ZNF28: variants seen among roughly 807,000 people sequenced by gnomAD.
The protein encoded by ZNF28 is zinc finger protein 28.
ZNF28 carries 5 observed loss-of-function variants against 7.2 expected under a neutral mutation model. That is an observed-to-expected ratio of 0.70 (90% CI 0.36 to 1.46). The LOEUF (loss-of-function observed/expected upper bound fraction) is 1.46. Among genes scored for constraint, ZNF28 ranks in the 40% most tolerant of loss-of-function variants. The probability of loss-of-function intolerance (pLI) is 0.03; values close to 1 mark genes in which losing one functional copy is unlikely to be tolerated. For synonymous variants in ZNF28, 288 were observed against 292.4 expected (o/e 0.99, Z 0.15); for missense variants, 879 against 866.6 (o/e 1.01, Z -0.18).
At chr19:52,819,237 T>C (rs4803002) in intron 1 of ZNF28, among the ~76,000 whole-genome samples, 62,185 of 123,940 alleles carry the variant, frequency 0.5, 19,211 homozygotes, top group Non-Finnish European at 0.66. Flanking sequence ...AGTGAAGAGT[T>C]GGGCTTTTGT....
chr19:52,798,810 T>C lies in ZNF28; in HGVS notation c.*878A>G, dbSNP rs1044525555. On this transcript the variant is annotated 3_prime_UTR_variant, in exon 4 of 4. Transcript: ENST00000457749. ...TGGATTCTCCAATGATTTGCAATGG[T>C]TGTAGCATTACTGAAAACTTTGTGA... The C allele has an allele frequency of 2.4e-6, 2 of 833,092 alleles. No homozygotes were observed. The highest frequency in any genetic ancestry group is 1.7e-5 in the African/African-American group (1 of 58,256). 51.6% of individuals were successfully genotyped at this position (833,092 alleles called of 1,614,324 possible).
chr19:52,820,322 T>A (rs1489245574), intron 1 of ZNF28, among the ~76,000 whole-genome samples: 1 of 135,694 alleles, frequency 7.4e-6, no homozygotes, highest in Non-Finnish European at 1.5e-5. Context: ...TTTCACCTTG[T>A]TAGCCAGGAT....
In ZNF28 at chr19:52,799,483, T is replaced by TGC; in HGVS notation, c.*204_*205insGC. On this transcript the variant is annotated 3_prime_UTR_variant, in exon 4 of 4. Coordinates refer to ENST00000457749, the MANE Select transcript of ZNF28 (RefSeq NM_006969.5). ...ATTCTATGATGACGTGCAAGGGTTG[T>TGC]TTTTTGATTAAAAACCTTGCCACAT... 1.0e-6 allele frequency: 1 copy of TGC among 963,886 alleles called. No homozygotes were observed. The highest frequency in any genetic ancestry group is 1.6e-6 in the Non-Finnish European group (1 of 615,468). 59.7% of individuals were successfully genotyped at this position (963,886 alleles called of 1,614,324 possible).
chr19:52,817,136 G>A (rs982233230), intron 2 of ZNF28, among the ~76,000 whole-genome samples: 1 of 152,160 alleles, frequency 6.6e-6, no homozygotes, highest in Non-Finnish European at 1.5e-5. Flanking sequence ...ACTTTAGGAA[G>A]CCAAAGTAGG....
chr19:52,817,265 G>A (rs56008301), intron 2 of ZNF28, among the ~76,000 whole-genome samples: 1 of 151,726 alleles, frequency 6.6e-6, no homozygotes, highest in African/African-American at 2.4e-5. Flanking sequence ...CCAGCTACTC[G>A]GGAGGCTGAG....
intron 2 of ZNF28, chr19:52,809,837 C>T (rs914895203): frequency 3.4e-5 from 19 of 553,848 alleles, no homozygotes; most frequent in South Asian, 9.1e-5. Context: ...GCGGCGGCGG[C>T]GGTGGCGGTG....
chr19:52,820,407 G>C (rs2063181114), intron 1 of ZNF28, among the ~76,000 whole-genome samples: 1 of 78,368 alleles, frequency 1.3e-5, no homozygotes, highest in African/African-American at 5.9e-5. Flanking sequence ...GTGAGCCACC[G>C]CGCCCGGCCC....
chr19:52,814,100 T>C (rs985157562), intron 2 of ZNF28, among the ~76,000 whole-genome samples: 2 of 146,508 alleles, frequency 1.4e-5, no homozygotes, highest in Non-Finnish European at 3.0e-5. Context: ...GAAATACACG[T>C]GTACAAGACT....
At chr19:52,808,949 A>G (rs759944989) in intron 2 of ZNF28, among the ~76,000 whole-genome samples, 4 of 152,240 alleles carry the variant, frequency 2.6e-5, no homozygotes, top group African/African-American at 4.8e-5. Flanking sequence ...CATTTGTCCC[A>G]GATTTTCAAA....
intron 2 of ZNF28, among the ~76,000 whole-genome samples, chr19:52,812,738 C>T (rs1191665387): frequency 1.2e-4 from 13 of 104,314 alleles, no homozygotes; most frequent in South Asian, 6.5e-4. Flanking sequence ...TCCCCCTCTG[C>T]GAGAAACACC....
At chr19:52,810,430 A>G in intron 2 of ZNF28, 1 of 1,602,108 alleles carries the variant, frequency 6.2e-7, no homozygotes, top group Middle Eastern at 1.7e-4. Context: ...GGCCATCCCA[A>G]AGGGTTTGCA....
intron 2 of ZNF28, among the ~76,000 whole-genome samples, chr19:52,811,113 C>T (rs1456346072): frequency 6.0e-5 from 9 of 150,240 alleles, no homozygotes; most frequent in African/African-American, 2.2e-4. Flanking sequence ...GGGCTGGTCT[C>T]CAGCTCCTAA....
rs112987784 is a variant in ZNF28, at chr19:52,801,000, T to C, written c.845A>G (p.His282Arg). ...KCNECGKIFG[H>R]NTSLFLHKAL... The stretch of plus-strand genomic sequence containing the variant: ...CTTGTGAAGGAAGAGGGATGTATTG[T>C]GACCAAAGATCTTGCCACACTCATT... Residue 282 changes from histidine to arginine, a missense_variant, in exon 4 of 4, where the codon CAC (histidine) becomes CGC (arginine). This residue lies in a region of ZNF28 where 864 missense variants were observed against 830.2 expected (regional missense o/e 1.04). Transcript: ENST00000457749. 1.1e-5 allele frequency: 18 copies of C among 1,614,124 alleles called. No individual in the cohort carries two copies. The African/African-American group carries it at 1.5e-4, about 13-fold the overall frequency.
At chr19:52,803,946 G>T (rs79735623) in intron 3 of ZNF28, among the ~76,000 whole-genome samples, 5,119 of 152,222 alleles carry the variant, frequency 0.034, 114 homozygotes, top group African/African-American at 0.061. Flanking sequence ...AACAGGATGA[G>T]ACTCCATCTC....
At chr19:52,815,789 C>T (rs2063116663) in intron 2 of ZNF28, among the ~76,000 whole-genome samples, 1 of 146,198 alleles carries the variant, frequency 6.8e-6, no homozygotes. Flanking sequence ...TGCACCACTG[C>T]ACTCCAGCCT....
intron 2 of ZNF28, among the ~76,000 whole-genome samples, chr19:52,817,338 C>G (rs1301630229): frequency 6.6e-6 from 1 of 152,090 alleles, no homozygotes; most frequent in Non-Finnish European, 1.5e-5. Flanking sequence ...CGCCATTGCA[C>G]TCCAGCCTGG....
At chr19:52,817,246 C>A (rs2063138415) in intron 2 of ZNF28, among the ~76,000 whole-genome samples, 1 of 152,086 alleles carries the variant, frequency 6.6e-6, no homozygotes, top group African/African-American at 2.4e-5. Flanking sequence ...GTGGCGCATG[C>A]TTGTAATGCC....
Position 52,799,481 on chromosome 19 carries a change from T to G in ZNF28, c.*207A>C. 1.0e-6 allele frequency: 1 copy of G among 956,988 alleles called. No homozygotes were observed. The highest frequency in any genetic ancestry group is 1.5e-5 in the South Asian group (1 of 67,616). 59.3% of individuals were successfully genotyped at this position (956,988 alleles called of 1,614,324 possible). ...GAATTCTATGATGACGTGCAAGGGT[T>G]GTTTTTTGATTAAAAACCTTGCCAC... is the stretch of plus-strand genomic sequence containing the variant. On this transcript the variant is annotated 3_prime_UTR_variant, in exon 4 of 4. Transcript: ENST00000457749.
At chr19:52,821,322 A>G (rs558331617) in intron 1 of ZNF28, among the ~76,000 whole-genome samples, 11 of 152,266 alleles carry the variant, frequency 7.2e-5, no homozygotes, top group Admixed American at 5.2e-4. Context: ...GAAGGAGTCA[A>G]AAAAAGGTTT....
Sources: allele counts gnomAD v4.1 joint callset (sites outside exome capture counted in the v4.1 genomes callset), GRCh38; gene constraint gnomAD v4.1.1; regional missense constraint gnomAD v4.1.1; transcripts MANE v1.5; gene names NCBI Gene and HGNC (gene_info 2026-07-23, HGNC 2026-07-21).